ERBIN: variants seen among roughly 807,000 people sequenced by gnomAD.
The protein encoded by ERBIN is densin-180-like protein.
ERBIN carries 60 observed loss-of-function variants against 158.4 expected under a neutral mutation model. The ratio of observed to expected loss-of-function variants is 0.38; its 90% CI spans 0.31 to 0.47. The LOEUF is 0.47. Among genes scored for constraint, ERBIN ranks in the 20% least tolerant of loss-of-function variants. The pLI is 0.99. For missense variants in ERBIN, 1,610 were observed against 1,648.0 expected, an observed-to-expected ratio of 0.98 and a Z score of 0.40; for synonymous variants, 594 against 557.2, an observed-to-expected ratio of 1.07 and a Z score of -0.93.
At chr5:66,065,805 A>G (rs1760932603) in intron 21 of ERBIN, among the ~76,000 whole-genome samples, 1 of 152,140 alleles carries the variant, frequency 6.6e-6, no homozygotes, top group Non-Finnish European at 1.5e-5. Context: ...AGCTGGTCTG[A>G]AGAATTTCAA....
chr5:66,076,959 A>T lies in ERBIN; in HGVS notation c.4131+10A>T. The T allele has an allele frequency of 6.4e-7, 1 of 1,554,502 alleles. No individual in the cohort carries two copies. Among genetic ancestry groups the T allele is most frequent in the Non-Finnish European group, 8.8e-7 (1 of 1,139,338 alleles). On this transcript the variant is annotated intron_variant, in intron 25 of 25. Coordinates refer to ENST00000284037, the MANE Select transcript of ERBIN (RefSeq NM_001253697.2). Reference sequence around the variant, plus strand: ...TGATAAAATTATTCAGGTAATTAAAATAAATCTTTTTTTTTTTCATTTTAT... The same window carrying T: ...TGATAAAATTATTCAGGTAATTAAATTAAATCTTTTTTTTTTTCATTTTAT...
chr5:65,954,976 A>C (rs1455724951), intron 1 of ERBIN, among the ~76,000 whole-genome samples: 3 of 152,090 alleles, frequency 2.0e-5, no homozygotes, highest in Admixed American at 6.6e-5. Context: ...GAGGTAGTAG[A>C]ATCGCTTGAA....
chr5:65,939,140 C>T (rs1744450527), intron 1 of ERBIN, among the ~76,000 whole-genome samples: 1 of 151,676 alleles, frequency 6.6e-6, no homozygotes, highest in Non-Finnish European at 1.5e-5. Flanking sequence ...AGAAGAAAAT[C>T]AATAAAAAAA....
In ERBIN at chr5:66,081,976, A is replaced by G. The variant is rs966567655; in HGVS notation, c.*3446A>G. 6.6e-6 allele frequency: 1 copy of G among 152,194 alleles called. No individual in the cohort carries two copies. The highest frequency in any genetic ancestry group is 1.5e-5 in the Non-Finnish European group (1 of 67,984). 9.4% of individuals were successfully genotyped at this position (152,194 alleles called of 1,614,324 possible). ...GGTATTCCTTTGTTTCTAAATAAGGACCTTCAGAAAAAGTTGACCATATTC... is the reference window on the plus strand; with the variant it reads ...GGTATTCCTTTGTTTCTAAATAAGGGCCTTCAGAAAAAGTTGACCATATTC... On this transcript the variant is annotated 3_prime_UTR_variant, in exon 26 of 26. Coordinates refer to ENST00000284037, the MANE Select transcript of ERBIN (RefSeq NM_001253697.2).
At chr5:65,961,486 G>A (rs1747908506) in intron 1 of ERBIN, among the ~76,000 whole-genome samples, 1 of 152,190 alleles carries the variant, frequency 6.6e-6, no homozygotes, top group Non-Finnish European at 1.5e-5. Context: ...ATAAGAGATT[G>A]TAGATCTGTA....
Position 66,023,344 on chromosome 5 carries a change from A to C in ERBIN, c.652A>C (p.Arg218=), listed in dbSNP as rs1300583261. ...GAAAGAGTTTTGGATGGATGCTAATAGACTGACTTTTATTCCAGGGGTATG... is the reference window on the plus strand; with the variant it reads ...GAAAGAGTTTTGGATGGATGCTAATCGACTGACTTTTATTCCAGGGGTATG... The part of the protein sequence containing the change: ...GLKEFWMDAN[R]LTFIPGFIGS... The change falls in exon 9 of 26, where the codon AGA becomes CGA. Residue 218 remains arginine, a synonymous_variant. Coordinates refer to ENST00000284037, the MANE Select transcript of ERBIN (RefSeq NM_001253697.2). The C allele has an allele frequency of 6.2e-7, 1 of 1,612,174 alleles. No homozygotes were observed. Among genetic ancestry groups the C allele is most frequent in the Non-Finnish European group, 8.5e-7 (1 of 1,178,746 alleles).
At chr5:65,996,337 G>C (rs541653862) in intron 4 of ERBIN, among the ~76,000 whole-genome samples, 22 of 147,842 alleles carry the variant, frequency 1.5e-4, no homozygotes, top group Admixed American at 4.8e-4. Context: ...TAAGATAAGG[G>C]TTTAATTTCA....
chr5:66,061,543 A>T (rs980027824), intron 21 of ERBIN, among the ~76,000 whole-genome samples: 1 of 152,160 alleles, frequency 6.6e-6, no homozygotes, highest in South Asian at 2.1e-4. Context: ...GCCCATTTAC[A>T]TTTAAGGTTA....
At position 66,028,294 on chromosome 5, in the gene ERBIN, G is replaced by A. The variant is rs550864365; in HGVS notation, c.1157G>A (p.Ser386Asn). 10 of 1,610,568 alleles carry A rather than the reference G, an allele frequency of 6.2e-6. 1 individual carries two copies. In the South Asian group the frequency reaches 1.1e-4, roughly 18 times the overall value. Residue 386 changes from serine (S) to asparagine (N), a missense_variant, in exon 14 of 26, where the codon AGC (serine) becomes AAC (asparagine). Around this residue, in one of 2 missense-constraint regions of ERBIN, gnomAD observed 596 missense variants for 711.9 expected, o/e 0.84. Coordinates refer to ENST00000284037, the MANE Select transcript of ERBIN (RefSeq NM_001253697.2). ...TACAGATTAAAGAATTTACCCTTTA[G>A]CTTTACAAAGCTACAGCAATTGACA... Reference protein sequence around the residue: ...SDNRLKNLPFSFTKLQQLTAM... With the variant: ...SDNRLKNLPFNFTKLQQLTAM...
chr5:65,978,887 G>T (rs1321794445), intron 1 of ERBIN, among the ~76,000 whole-genome samples: 1 of 152,174 alleles, frequency 6.6e-6, no homozygotes, highest in Admixed American at 6.5e-5. Context: ...ACTTGAATCT[G>T]AAGGTAAACT....
intron 1 of ERBIN, among the ~76,000 whole-genome samples, chr5:65,976,566 G>A (rs1167543229): frequency 6.6e-6 from 1 of 150,544 alleles, no homozygotes; most frequent in African/African-American, 2.5e-5. Context: ...TCTCGCAGAG[G>A]GGGATTTGGC....
chr5:65,990,789 C>G (rs1458926446), intron 2 of ERBIN, among the ~76,000 whole-genome samples: 1 of 150,666 alleles, frequency 6.6e-6, no homozygotes, highest in Non-Finnish European at 1.5e-5. Context: ...GAGACGGAGT[C>G]TCGCTGTGTT....
rs572285125 is a variant in ERBIN, at chr5:65,967,141, G to A, written c.-57-21494G>A. On this transcript the variant is annotated intron_variant, in intron 1 of 25. Transcript: ENST00000284037. ...AAAAAATATTCTGGTTAGCTGTACAGTGTGTTTGTGTTTTACACCATGTTA... is the reference window on the plus strand; with the variant it reads ...AAAAAATATTCTGGTTAGCTGTACAATGTGTTTGTGTTTTACACCATGTTA... Among the ~76,000 whole-genome samples, 8 of 151,992 alleles carry A rather than the reference G, an allele frequency of 5.3e-5. No individual in the cohort carries two copies. In the South Asian group the frequency reaches 1.5e-3, roughly 28 times the overall value.
intron 1 of ERBIN, among the ~76,000 whole-genome samples, chr5:65,966,433 C>CA (rs1376826745): frequency 2.0e-5 from 3 of 152,092 alleles, no homozygotes; most frequent in Admixed American, 6.5e-5. Context: ...GTAATCCCAG[C>CA]ACTTTGGGAG....
chr5:66,004,386 G>A (rs966663201), intron 4 of ERBIN, among the ~76,000 whole-genome samples: 4 of 152,154 alleles, frequency 2.6e-5, no homozygotes, highest in African/African-American at 9.7e-5. Context: ...GTGCGTGTGT[G>A]TGTGCGCGCG....
rs1209780443 is a variant in ERBIN, at chr5:65,994,825, A to G, written c.268A>G (p.Asn90Asp). 6.3e-5 allele frequency: 102 copies of G among 1,608,656 alleles called. No individual in the cohort carries two copies. Among genetic ancestry groups the G allele is most frequent in the Non-Finnish European group, 8.5e-5 (100 of 1,178,520 alleles). The change falls in exon 4 of 26, where the codon AAC (asparagine) becomes GAC (aspartate). Residue 90 changes from asparagine to aspartate, a missense_variant. This residue lies in a region of ERBIN where 596 missense variants were observed against 711.9 expected (regional missense o/e 0.84). Coordinates refer to ENST00000284037, the MANE Select transcript of ERBIN (RefSeq NM_001253697.2). ...AACAACGTTACCAGCATCCATTGCA[A>G]ACCTTATTAATCTCAGGGAACTGGA... ...DLTTLPASIA[N>D]LINLRELDVS...
At chr5:65,966,221 G>T (rs578133125) in intron 1 of ERBIN, among the ~76,000 whole-genome samples, 1 of 152,274 alleles carries the variant, frequency 6.6e-6, no homozygotes, top group African/African-American at 2.4e-5. Context: ...GACTCATGGG[G>T]TTGTGTTGAT....
chr5:66,055,549 C>T (rs1434142878), intron 21 of ERBIN, among the ~76,000 whole-genome samples: 4 of 152,010 alleles, frequency 2.6e-5, no homozygotes, highest in African/African-American at 9.7e-5. Context: ...TGCTCGTGTT[C>T]AATTTATAAT....
chr5:66,077,034 A>G, intron 25 of ERBIN, 85 bp downstream of exon 25: 1 of 1,060,056 alleles, frequency 9.4e-7, no homozygotes, highest in South Asian at 1.5e-5. Flanking sequence ...TAACTTTGAA[A>G]ATTGTGGGTG....
Sources: allele counts gnomAD v4.1 joint callset (sites outside exome capture counted in the v4.1 genomes callset), GRCh38; gene constraint gnomAD v4.1.1; regional missense constraint gnomAD v4.1.1; transcripts MANE v1.5; gene names NCBI Gene and HGNC (gene_info 2026-07-23, HGNC 2026-07-21).